The following SMG1 variants were observed in gnomAD, a reference collection of about 807,000 sequenced individuals.
The protein encoded by SMG1 is SMG1 nonsense mediated mRNA decay associated PI3K related kinase.
Under a neutral mutation model 419.9 loss-of-function variants are expected in SMG1, and 22 were observed. The observed-to-expected ratio is 0.05, with a 90% CI of 0.04 to 0.07. SMG1 has a LOEUF of 0.07. SMG1 is among the 10% of genes least tolerant of loss of function. The pLI is 1.00. For missense variants in SMG1, 3,185 were observed against 4,342.0 expected, an observed-to-expected ratio of 0.73 and a Z score of 7.49; for synonymous variants, 1,538 against 1,553.5, an observed-to-expected ratio of 0.99 and a Z score of 0.23.
intron 55 of SMG1, among the ~76,000 whole-genome samples, chr16:18,827,667 T>TTA (rs1555487270): frequency 1.4e-5 from 2 of 144,536 alleles, no homozygotes; most frequent in Non-Finnish European, 1.5e-5. Flanking sequence ...ATATATATTT[T>TTA]TATATATATT....
chr16:18,853,764 A>T lies in SMG1; in HGVS notation c.4587T>A (p.Ala1529=). The T allele has an allele frequency of 3.7e-6, 6 of 1,613,940 alleles. No homozygotes were observed. Among genetic ancestry groups the T allele is most frequent in the Non-Finnish European group, 5.1e-6 (6 of 1,179,866 alleles). The change falls in exon 31 of 63, where the codon GCT becomes GCA. Residue 1529 remains alanine, a synonymous_variant. Transcript: ENST00000446231. Reference sequence around the variant, plus strand: ...CTTTCCATTCTGCCTGGATCCATTTAGCCAGTGTCAGAATTGATTTAGCAA... The same window carrying T: ...CTTTCCATTCTGCCTGGATCCATTTTGCCAGTGTCAGAATTGATTTAGCAA... The part of the protein sequence containing the change: ...YAVAKSILTL[A]KWIQAEWKEI...
intron 31 of SMG1, 50 bp downstream of exon 31, chr16:18,853,533 A>C (rs1340273814): frequency 7.0e-7 from 1 of 1,428,168 alleles, no homozygotes; most frequent in Admixed American, 2.9e-5. Flanking sequence ...AAAACAGAAA[A>C]AAATATAGCT....
Position 18,848,013 on chromosome 16 carries a change from T to G in SMG1, c.5644A>C (p.Ile1882Leu), listed in dbSNP as rs755316887. 4 of 1,613,796 alleles carry G rather than the reference T, an allele frequency of 2.5e-6. No individual in the cohort carries two copies. The highest frequency in any genetic ancestry group is 2.5e-6 in the Non-Finnish European group (3 of 1,179,788). The change falls in exon 37 of 63, where the codon ATT (isoleucine) becomes CTT (leucine). Residue 1882 changes from isoleucine to leucine, a missense_variant. Around this residue, in one of 27 missense-constraint regions of SMG1, gnomAD observed 130 missense variants for 162.0 expected, o/e 0.80. Coordinates refer to ENST00000446231, the MANE Select transcript of SMG1 (RefSeq NM_015092.5). ...TGAATATTGCCAAGTAAAGTTGGAATTGCAGTGGAAAATTTATTTCCTGTA... is the reference window on the plus strand; with the variant it reads ...TGAATATTGCCAAGTAAAGTTGGAAGTGCAGTGGAAAATTTATTTCCTGTA... ...QASGNKFSTAIPTLLGNIQGE... is the reference protein window; with the variant it reads ...QASGNKFSTALPTLLGNIQGE...
chr16:18,853,386 G>A (rs1181474937), intron 31 of SMG1, among the ~76,000 whole-genome samples, 197 bp downstream of exon 31: 4 of 152,130 alleles, frequency 2.6e-5, no homozygotes, highest in Non-Finnish European at 5.9e-5. Flanking sequence ...CAAATACCTG[G>A]GGGCAGAGTT....
At chr16:18,917,604 T>C (rs1475697015) in intron 1 of SMG1, among the ~76,000 whole-genome samples, 2 of 151,096 alleles carry the variant, frequency 1.3e-5, no homozygotes, top group African/African-American at 4.9e-5. Flanking sequence ...TCAGATGGAG[T>C]CTTGCTCTTG....
At chr16:18,922,630 A>AATTT (rs1043480537) in intron 1 of SMG1, among the ~76,000 whole-genome samples, 79 of 152,018 alleles carry the variant, frequency 5.2e-4, no homozygotes, top group East Asian at 3.1e-3. Flanking sequence ...ATATCCCGCT[A>AATTT]ATTTATTTAT....
At chr16:18,898,467 A>G (rs1423186719) in intron 1 of SMG1, among the ~76,000 whole-genome samples, 2 of 152,208 alleles carry the variant, frequency 1.3e-5, no homozygotes, top group Non-Finnish European at 2.9e-5. Flanking sequence ...GCATTAAAAT[A>G]TTAACTCAAT....
Position 18,835,133 on chromosome 16 carries a change from G to C in SMG1, c.8089C>G (p.Pro2697Ala). Reference sequence around the variant, plus strand: ...GCAGTGATGAACTGACACACTGTTGGGGGTGGCTGGGGAGCATATTGCATT... The same window carrying C: ...GCAGTGATGAACTGACACACTGTTGCGGGTGGCTGGGGAGCATATTGCATT... ...YEMQYAPQPP[P>A]TVCQFITATE... Residue 2697 changes from proline (P) to alanine (A), a missense_variant, in exon 49 of 63, where the codon CCA becomes GCA. Physicochemically the swap from Pro to Ala is conservative, Grantham distance 27. This residue lies in a region of SMG1 where 412 missense variants were observed against 546.6 expected (regional missense o/e 0.75). Transcript: ENST00000446231. 1.2e-6 allele frequency: 2 copies of C among 1,612,292 alleles called. No individual in the cohort carries two copies. Among genetic ancestry groups the C allele is most frequent in the Non-Finnish European group, 1.7e-6 (2 of 1,178,468 alleles).
chr16:18,893,207 C>T (rs557883708), intron 3 of SMG1, among the ~76,000 whole-genome samples: 2 of 152,336 alleles, frequency 1.3e-5, no homozygotes, highest in Non-Finnish European at 2.9e-5. Flanking sequence ...TTATCATCTA[C>T]CACATGCAAG....
At chr16:18,851,079 A>G (rs1404593310) in intron 33 of SMG1, among the ~76,000 whole-genome samples, 1 of 152,220 alleles carries the variant, frequency 6.6e-6, no homozygotes, top group African/African-American at 2.4e-5. Flanking sequence ...AAATAAGCAC[A>G]ATCTGCTCAA....
At position 18,886,690 on chromosome 16, in the gene SMG1, T is replaced by C. The variant is rs562795172; in HGVS notation, c.823-1024A>G. ...AGTGGCACATGCCTGTAATCCCAGC[T>C]ACTCAGGAGGCTGAAGCAAGAGAAC... On this transcript the variant is annotated intron_variant, in intron 6 of 62. Transcript: ENST00000446231. 4.6e-5 allele frequency among the ~76,000 whole-genome samples: 7 copies of C among 152,250 alleles called. 1 individual carries two copies. In the South Asian group the frequency reaches 1.4e-3, roughly 32 times the overall value.
At chr16:18,857,311 C>T (rs1179647295) in intron 29 of SMG1, 1 of 152,222 alleles carries the variant, frequency 6.6e-6, no homozygotes, top group East Asian at 1.9e-4. Context: ...GTTAGCATCC[C>T]TTTGACATAT....
intron 1 of SMG1, among the ~76,000 whole-genome samples, chr16:18,906,202 A>G (rs1245262306): frequency 6.6e-6 from 1 of 151,996 alleles, no homozygotes; most frequent in Non-Finnish European, 1.5e-5. Context: ...AAAAGGTACC[A>G]GCTGCGCACG....
At position 18,811,609 on chromosome 16, in the gene SMG1, G is replaced by A. The variant is rs182188431; in HGVS notation, c.10908+152C>T. 3.3e-3 allele frequency among the ~76,000 whole-genome samples: 501 copies of A among 152,272 alleles called. 1 individual carries two copies. The highest frequency in any genetic ancestry group is 5.9e-3 in the Non-Finnish European group (400 of 68,026). On this transcript the variant is annotated intron_variant, in intron 62 of 62. Transcript: ENST00000446231. Reference sequence around the variant, plus strand: ...AGTAAAATGGTGACTACTTGACGACGCCAGAGCTGTGTTACTCAAAATCTT... The same window carrying A: ...AGTAAAATGGTGACTACTTGACGACACCAGAGCTGTGTTACTCAAAATCTT...
intron 1 of SMG1, among the ~76,000 whole-genome samples, chr16:18,924,107 T>C (rs1311642148): frequency 1.3e-5 from 2 of 152,330 alleles, no homozygotes; most frequent in Admixed American, 6.5e-5. Flanking sequence ...CCTGAAACTT[T>C]CTTACAAAAA....
intron 60 of SMG1, 69 bp from the exon 61 acceptor site, chr16:18,812,196 C>T (rs2031476528): frequency 6.7e-7 from 1 of 1,482,722 alleles, no homozygotes; most frequent in Non-Finnish European, 9.2e-7. Flanking sequence ...GTGGAGCAAG[C>T]ACGGGATAGG....
chr16:18,899,538 T>A (rs1375535993), intron 1 of SMG1, among the ~76,000 whole-genome samples: 2 of 152,190 alleles, frequency 1.3e-5, no homozygotes, highest in Non-Finnish European at 2.9e-5. Flanking sequence ...TTATATGAAA[T>A]TTCTATTTTT....
chr16:18,849,069 C>CAAAAAAAAAAAAAAAA (rs58373081), intron 36 of SMG1, 148 bp downstream of exon 36: 1 of 110,716 alleles, frequency 9.0e-6, no homozygotes, highest in African/African-American at 7.6e-5. Flanking sequence ...GACTCCATCT[C>CAAAAAAAAAAAAAAAA]AAAAAAAAAA....
intron 9 of SMG1, among the ~76,000 whole-genome samples, chr16:18,883,395 G>A (rs992145057): frequency 2.0e-5 from 3 of 152,192 alleles, no homozygotes; most frequent in African/African-American, 7.2e-5. Flanking sequence ...ATATGTAAGA[G>A]GAAAATCTTT....
Sources: gnomAD v4.1 joint callset for allele counts (sites outside exome capture counted in the v4.1 genomes callset) on GRCh38, gnomAD v4.1.1 for gene constraint, gnomAD v4.1.1 regional missense constraint, MANE v1.5 for transcripts, NCBI Gene and HGNC (gene_info 2026-07-23, HGNC 2026-07-21) for gene names.